AKAP13: variants seen among roughly 807,000 people sequenced by gnomAD.
AKAP13 encodes the protein A-kinase anchor protein 13.
In AKAP13, 80 loss-of-function variants were observed where a neutral mutation model predicts 264.5. The ratio of observed to expected loss-of-function variants is 0.30; its 90% CI spans 0.25 to 0.36. The LOEUF (loss-of-function observed/expected upper bound fraction) is 0.36. AKAP13 is among the 10% of genes least tolerant of loss of function. The probability of loss-of-function intolerance (pLI) is 1.00; values close to 1 mark genes in which losing one functional copy is unlikely to be tolerated. For synonymous variants in AKAP13, 1,380 were observed against 1,250.2 expected, an observed-to-expected ratio of 1.10 and a Z score of -2.19; for missense variants, 3,712 against 3,435.2, an observed-to-expected ratio of 1.08 and a Z score of -2.01.
chr15:85,741,799 C>G (rs926856071), intron 35 of AKAP13, among the ~76,000 whole-genome samples: 3 of 151,706 alleles, frequency 2.0e-5, no homozygotes, highest in African/African-American at 7.3e-5. Flanking sequence ...AATCCCAGCA[C>G]CTTGGGAGGC....
intron 2 of AKAP13, among the ~76,000 whole-genome samples, chr15:85,516,368 T>C (rs1314868069): frequency 2.0e-5 from 3 of 152,234 alleles, no homozygotes; most frequent in Admixed American, 6.5e-5. Context: ...TAAAGTGATA[T>C]ACCATACTGT....
chr15:85,637,243 G>C (rs2082105635), intron 8 of AKAP13, among the ~76,000 whole-genome samples: 1 of 152,060 alleles, frequency 6.6e-6, no homozygotes, highest in African/African-American at 2.4e-5. Context: ...TTAAATGTTT[G>C]GTAGCATTCA....
rs1415314019 is a variant in AKAP13, at chr15:85,491,106, A to T, written c.33+5353A>T. 4.6e-5 allele frequency among the ~76,000 whole-genome samples: 7 copies of T among 152,122 alleles called. No individual in the cohort carries two copies. The East Asian group carries it at 1.2e-3, about 25-fold the overall frequency. ...AATGAGTGCAAGGGGAAGGGGTCCA[A>T]TCTCTTCTGCATGAGGTTGGAGATT... On this transcript the variant is annotated intron_variant, in intron 2 of 36. Coordinates refer to ENST00000394518, the MANE Select transcript of AKAP13 (RefSeq NM_007200.5).
intron 3 of AKAP13, among the ~76,000 whole-genome samples, chr15:85,531,554 A>T (rs1250692896): frequency 6.6e-6 from 1 of 152,236 alleles, no homozygotes; most frequent in Non-Finnish European, 1.5e-5. Context: ...GCTAACATTG[A>T]TGTCTGTGTA....
At chr15:85,736,762 G>T (rs2088550516) in intron 33 of AKAP13, among the ~76,000 whole-genome samples, 1 of 152,040 alleles carries the variant, frequency 6.6e-6, no homozygotes, top group Non-Finnish European at 1.5e-5. Context: ...GTTTCCTTTG[G>T]TCTAAGCACA....
intron 8 of AKAP13, among the ~76,000 whole-genome samples, chr15:85,607,043 A>T (rs1596691649): frequency 6.6e-6 from 1 of 151,754 alleles, no homozygotes; most frequent in East Asian, 1.9e-4. Flanking sequence ...TTTGCCTCAG[A>T]TGAAGAGGCT....
intron 8 of AKAP13, among the ~76,000 whole-genome samples, chr15:85,590,821 T>C (rs2079550643): frequency 6.6e-6 from 1 of 152,226 alleles, no homozygotes; most frequent in Non-Finnish European, 1.5e-5. Flanking sequence ...TTCGTTGTCA[T>C]CTTTTTTTCC....
At chr15:85,726,865 A>C (rs1316295895) in intron 27 of AKAP13, 1 of 617,176 alleles carries the variant, frequency 1.6e-6, no homozygotes. Flanking sequence ...TAGAGCCATA[A>C]ATTACTATTT....
intron 12 of AKAP13, among the ~76,000 whole-genome samples, chr15:85,663,658 G>A (rs1254688893): frequency 6.6e-6 from 1 of 152,150 alleles, no homozygotes; most frequent in Admixed American, 6.5e-5. Context: ...CTACAGCTAT[G>A]TTTCGAGATC....
At chr15:85,467,840 G>A (rs890571624) in intron 1 of AKAP13, among the ~76,000 whole-genome samples, 1 of 152,190 alleles carries the variant, frequency 6.6e-6, no homozygotes, top group African/African-American at 2.4e-5. Flanking sequence ...TATCCAACCT[G>A]TTGCCCATTA....
At chr15:85,475,389 C>T (rs1276428257) in intron 1 of AKAP13, among the ~76,000 whole-genome samples, 5 of 152,130 alleles carry the variant, frequency 3.3e-5, no homozygotes, top group African/African-American at 1.2e-4. Flanking sequence ...TGTGGAATGG[C>T]CATTGGGAGT....
intron 1 of AKAP13, among the ~76,000 whole-genome samples, chr15:85,472,510 T>A (rs1379063381): frequency 6.6e-6 from 1 of 152,170 alleles, no homozygotes; most frequent in East Asian, 1.9e-4. Flanking sequence ...TTTGACATTT[T>A]AAAAAATGTA....
chr15:85,441,083 C>G (rs567450800), intron 1 of AKAP13, among the ~76,000 whole-genome samples: 123 of 152,206 alleles, frequency 8.1e-4, no homozygotes, highest in African/African-American at 2.9e-3. Context: ...ATGTAGATAC[C>G]TAGGAGTGGA....
intron 1 of AKAP13, 23 bp from the exon 2 acceptor site, chr15:85,485,687 C>T (rs1161443563): frequency 5.0e-6 from 8 of 1,609,656 alleles, no homozygotes; most frequent in African/African-American, 2.7e-5. Flanking sequence ...ATTTTATTCT[C>T]ATTTATTCCA....
chr15:85,472,208 A>AAC (rs1555432981), intron 1 of AKAP13, among the ~76,000 whole-genome samples: 6 of 151,232 alleles, frequency 4.0e-5, no homozygotes, highest in Non-Finnish European at 5.9e-5. Flanking sequence ...TAAAAAAAAA[A>AAC]CAAAAAACAA....
intron 1 of AKAP13, among the ~76,000 whole-genome samples, chr15:85,444,564 CAT>C (rs1425268307): frequency 6.6e-6 from 1 of 152,102 alleles, no homozygotes; most frequent in Non-Finnish European, 1.5e-5. Context: ...TCCCTTTTCA[CAT>C]GTTAGAAAAA....
At chr15:85,465,926 A>T (rs903663108) in intron 1 of AKAP13, among the ~76,000 whole-genome samples, 7 of 149,280 alleles carry the variant, frequency 4.7e-5, no homozygotes, top group African/African-American at 1.7e-4. Flanking sequence ...AGGAATCGCC[A>T]CACTGACTTC....
At chr15:85,549,508 A>G (rs547435264) in intron 5 of AKAP13, among the ~76,000 whole-genome samples, 20 of 152,354 alleles carry the variant, frequency 1.3e-4, no homozygotes, top group African/African-American at 4.8e-4. Context: ...TGGTTGGTAC[A>G]TTACAGATAT....
chr15:85,701,366 A>T (rs1329195761), intron 17 of AKAP13: 1 of 152,228 alleles, frequency 6.6e-6, no homozygotes, highest in Admixed American at 6.5e-5. Flanking sequence ...ATCTAATCAA[A>T]TATCAGAGAT....
Sources: allele counts gnomAD v4.1 joint callset (sites outside exome capture counted in the v4.1 genomes callset), GRCh38; gene constraint gnomAD v4.1.1; transcripts MANE v1.5; gene names NCBI Gene and HGNC (gene_info 2026-07-23, HGNC 2026-07-21).